KHDRBS2: variants seen among roughly 807,000 people sequenced by gnomAD.
KHDRBS2 encodes KH RNA binding domain containing, signal transduction associated 2.
A neutral mutation model predicts 44.3 loss-of-function variants in KHDRBS2; 26 were observed. The observed-to-expected ratio is 0.59, with a 90% confidence interval of 0.43 to 0.81. The LOEUF (loss-of-function observed/expected upper bound fraction) is 0.81, where lower values mean the gene tolerates loss of function less well. KHDRBS2 is among the 40% of genes least tolerant of loss of function. The pLI, the probability that KHDRBS2 is intolerant of heterozygous loss-of-function variation, is 0.00. For missense variants in KHDRBS2, 476 were observed against 433.1 expected (o/e 1.10, Z -0.88); for synonymous variants, 194 against 151.1 (o/e 1.28, Z -2.08).
intron 2 of KHDRBS2, among the ~76,000 whole-genome samples, chr6:62,144,535 T>C (rs1048909503): frequency 3.9e-5 from 6 of 151,910 alleles, no homozygotes; most frequent in Admixed American, 1.3e-4. Flanking sequence ...TTCTAGAAAT[T>C]TGGAGTTCAC....
At chr6:62,278,357 A>G (rs570993721) in intron 1 of KHDRBS2, among the ~76,000 whole-genome samples, 1 of 152,144 alleles carries the variant, frequency 6.6e-6, no homozygotes, top group Non-Finnish European at 1.5e-5. Flanking sequence ...GGGAACAAAC[A>G]GCTTCACTAT....
chr6:61,851,709 G>T lies in KHDRBS2; in HGVS notation c.810+42926C>A, dbSNP rs556513117. ...AACTGTAAGAAAATAAATGTCTGTT[G>T]TTTATAGCACCCATTCTATAGCATT... On this transcript the variant is annotated intron_variant, in intron 6 of 8. Coordinates refer to ENST00000281156, the MANE Select transcript of KHDRBS2 (RefSeq NM_152688.4). Among the ~76,000 whole-genome samples, 13 of 152,212 alleles carry T rather than the reference G, an allele frequency of 8.5e-5. No homozygotes were observed. The South Asian group carries it at 2.7e-3, about 32-fold the overall frequency.
At chr6:61,829,790 C>A (rs2127260813) in intron 6 of KHDRBS2, among the ~76,000 whole-genome samples, 1 of 152,196 alleles carries the variant, frequency 6.6e-6, no homozygotes, top group African/African-American at 2.4e-5. Context: ...GGTGCAGTAA[C>A]AGTAGTCAGG....
intron 2 of KHDRBS2, among the ~76,000 whole-genome samples, chr6:62,071,754 T>A (rs546524060): frequency 1.3e-5 from 2 of 152,314 alleles, no homozygotes; most frequent in Non-Finnish European, 2.9e-5. Flanking sequence ...CCTTGTAGTA[T>A]AGTTTGAAGT....
the KHDRBS2 span, among the ~76,000 whole-genome samples, chr6:61,597,833 G>T: frequency 1.6e-5 from 2 of 122,588 alleles, no homozygotes; most frequent in African/African-American, 2.9e-5. Context: ...CATTTAAGAA[G>T]GGGTTTCAGT....
intron 6 of KHDRBS2, among the ~76,000 whole-genome samples, chr6:61,811,102 T>G (rs532987861): frequency 1.3e-5 from 2 of 152,090 alleles, no homozygotes; most frequent in African/African-American, 4.8e-5. Flanking sequence ...TTTCAGCCCT[T>G]TCCCCCTCCT....
At chr6:61,763,611 C>A (rs774902659) in intron 6 of KHDRBS2, among the ~76,000 whole-genome samples, 1 of 152,048 alleles carries the variant, frequency 6.6e-6, no homozygotes, top group Non-Finnish European at 1.5e-5. Context: ...AGAATAAAAC[C>A]TTTACAGGTA....
rs555770337 is a variant in KHDRBS2 at position 61,972,369 on chromosome 6, T to C, written c.483+5697A>G. On this transcript the variant is annotated intron_variant, in intron 4 of 8. Coordinates refer to ENST00000281156, the MANE Select transcript of KHDRBS2 (RefSeq NM_152688.4). Reference sequence around the variant, plus strand: ...CAGATAAGAAGAAATACTCCATAGATGATTACAGATGTCTTCCAAGAAAAT... The same window carrying C: ...CAGATAAGAAGAAATACTCCATAGACGATTACAGATGTCTTCCAAGAAAAT... Among the ~76,000 whole-genome samples the C allele has an allele frequency of 3.9e-5, 6 of 152,290 alleles. No individual in the cohort carries two copies. In the East Asian group the frequency reaches 7.7e-4, roughly 20 times the overall value.
At chr6:61,638,409 G>T in the KHDRBS2 span, among the ~76,000 whole-genome samples, 1 of 152,072 alleles carries the variant, frequency 6.6e-6, no homozygotes, top group African/African-American at 2.4e-5. Context: ...AATGGGGAAA[G>T]GATTCCCTAT....
intron 2 of KHDRBS2, among the ~76,000 whole-genome samples, chr6:62,093,383 G>T (rs1799845959): frequency 6.6e-6 from 1 of 151,814 alleles, no homozygotes; most frequent in Admixed American, 6.6e-5. Flanking sequence ...ATACATATTT[G>T]TGGAGTAGAA....
At chr6:61,862,025 G>C (rs1171572668) in intron 6 of KHDRBS2, among the ~76,000 whole-genome samples, 1 of 151,878 alleles carries the variant, frequency 6.6e-6, no homozygotes, top group African/African-American at 2.4e-5. Flanking sequence ...GTCTATTGTT[G>C]GTGTATAGGA....
At chr6:61,875,023 G>A (rs1181246087) in intron 6 of KHDRBS2, among the ~76,000 whole-genome samples, 2 of 152,060 alleles carry the variant, frequency 1.3e-5, no homozygotes, top group Admixed American at 6.6e-5. Flanking sequence ...GAAGAGACAG[G>A]CAAGTATGTA....
chr6:61,863,388 T>C (rs1354987625), intron 6 of KHDRBS2, among the ~76,000 whole-genome samples: 3 of 152,014 alleles, frequency 2.0e-5, no homozygotes, highest in Admixed American at 1.3e-4. Context: ...GTTAGATTAT[T>C]AACTTGAGAT....
At chr6:61,704,960 T>C (rs1769278199) in intron 7 of KHDRBS2, among the ~76,000 whole-genome samples, 1 of 151,870 alleles carries the variant, frequency 6.6e-6, no homozygotes, top group Non-Finnish European at 1.5e-5. Flanking sequence ...ATTTATAATA[T>C]CTCAGGTCAT....
At chr6:61,867,190 G>A (rs553942750) in intron 6 of KHDRBS2, among the ~76,000 whole-genome samples, 11 of 152,280 alleles carry the variant, frequency 7.2e-5, no homozygotes, top group African/African-American at 2.4e-4. Context: ...ACACTTCCAC[G>A]TGCCAGGGGA....
intron 3 of KHDRBS2, among the ~76,000 whole-genome samples, chr6:62,047,109 C>G (rs1787875565): frequency 6.6e-6 from 1 of 151,852 alleles, no homozygotes; most frequent in African/African-American, 2.4e-5. Flanking sequence ...ACATTTCATT[C>G]TCCATAATAA....
intron 1 of KHDRBS2, among the ~76,000 whole-genome samples, chr6:62,279,848 CAG>C (rs1841548371): frequency 6.6e-6 from 1 of 152,144 alleles, no homozygotes; most frequent in Non-Finnish European, 1.5e-5. Context: ...GAGGGGCCAA[CAG>C]GGGGCTGGTT....
At position 61,901,231 on chromosome 6, in the gene KHDRBS2, A is replaced by G. The variant is rs1803952093; in HGVS notation, c.611+13T>C. 1 of 1,604,722 alleles carries G rather than the reference A, an allele frequency of 6.2e-7. No individual in the cohort carries two copies. Among genetic ancestry groups the G allele is most frequent in the East Asian group, 2.2e-5 (1 of 44,814 alleles). On this transcript the variant is annotated intron_variant, in intron 5 of 8. Transcript: ENST00000281156. ...CATCATCCTTAATTTATTTAAAGTAAGAATGAATGTACCTTGAAGGAGCTG... is the reference window on the plus strand; with the variant it reads ...CATCATCCTTAATTTATTTAAAGTAGGAATGAATGTACCTTGAAGGAGCTG...
Position 61,680,916 on chromosome 6 carries a change from C to G in KHDRBS2, c.*47G>C. 8.2e-7 allele frequency: 1 copy of G among 1,220,988 alleles called. No homozygotes were observed. The highest frequency in any genetic ancestry group is 1.2e-6 in the Non-Finnish European group (1 of 833,134). The allele number at this position is 1,220,988 out of a possible 1,614,324, so 75.6% of individuals were successfully genotyped here. On this transcript the variant is annotated 3_prime_UTR_variant, in exon 9 of 9. Coordinates refer to ENST00000281156, the MANE Select transcript of KHDRBS2 (RefSeq NM_152688.4). ...CTTGTTGCTGTTTATGTGGAGACCA[C>G]AGGCTATGAATTGTCTTTGAGGTGA...
Sources: gnomAD v4.1 joint callset for allele counts (sites outside exome capture counted in the v4.1 genomes callset) on GRCh38, gnomAD v4.1.1 for gene constraint, MANE v1.5 for transcripts, NCBI Gene and HGNC (gene_info 2026-07-23, HGNC 2026-07-21) for gene names.